The following TFEC variants were observed in gnomAD, a reference collection of about 807,000 sequenced individuals.
TFEC encodes the protein class E basic helix-loop-helix protein 34.
A neutral mutation model predicts 41.6 loss-of-function variants in TFEC; 31 were observed. The ratio of observed to expected loss-of-function variants is 0.74; its 90% CI spans 0.56 to 1.01. The LOEUF (loss-of-function observed/expected upper bound fraction) is 1.01, where lower values mean the gene tolerates loss of function less well. Among genes scored for constraint, TFEC ranks in the 50% least tolerant of loss-of-function variants. The pLI, the probability that TFEC is intolerant of heterozygous loss-of-function variation, is 0.00. For synonymous variants in TFEC, 143 were observed against 140.6 expected (o/e 1.02, Z -0.12); for missense variants, 402 against 404.1 (o/e 0.99, Z 0.04).
At chr7:116,028,354 T>C (rs1403526690) in intron 1 of TFEC, among the ~76,000 whole-genome samples, 1 of 152,218 alleles carries the variant, frequency 6.6e-6, no homozygotes, top group African/African-American at 2.4e-5. Context: ...TAGCTGGCAT[T>C]CACAATTCTA....
At chr7:116,044,271 A>C (rs1796109003) in intron 3 of TFEC, among the ~76,000 whole-genome samples, 1 of 152,186 alleles carries the variant, frequency 6.6e-6, no homozygotes, top group Non-Finnish European at 1.5e-5. Flanking sequence ...TCTTATAGCT[A>C]CCAGGCAAGC....
intron 3 of TFEC, among the ~76,000 whole-genome samples, chr7:116,059,071 G>A (rs1796493218): frequency 6.6e-6 from 1 of 151,698 alleles, no homozygotes; most frequent in Non-Finnish European, 1.5e-5. Context: ...TAAAATCAAT[G>A]TAACTGAAAG....
intron 1 of TFEC, among the ~76,000 whole-genome samples, chr7:116,017,874 ATTAG>A (rs1197090821): frequency 6.6e-6 from 1 of 152,094 alleles, no homozygotes; most frequent in Non-Finnish European, 1.5e-5. Context: ...GCATTTTGTA[ATTAG>A]TTATTCATTT....
intron 1 of TFEC, among the ~76,000 whole-genome samples, chr7:116,119,343 A>G (rs1022730724): frequency 2.0e-5 from 3 of 151,864 alleles, no homozygotes; most frequent in Non-Finnish European, 4.4e-5. Context: ...GGATCTAGCC[A>G]ATGCAATAGG....
chr7:115,979,128 C>A (rs547785166), intron 2 of TFEC, among the ~76,000 whole-genome samples: 1 of 152,274 alleles, frequency 6.6e-6, no homozygotes, highest in East Asian at 1.9e-4. Flanking sequence ...AGACTCCCAG[C>A]TGTTCCCTAT....
At chr7:116,113,795 C>T (rs1797909790) in intron 1 of TFEC, among the ~76,000 whole-genome samples, 1 of 151,944 alleles carries the variant, frequency 6.6e-6, no homozygotes, top group South Asian at 2.1e-4. Context: ...CTTAATCTTT[C>T]CCAAAATGTT....
chr7:116,014,934 A>C (rs1439956252), intron 1 of TFEC, among the ~76,000 whole-genome samples: 2 of 152,108 alleles, frequency 1.3e-5, no homozygotes, highest in South Asian at 2.1e-4. Flanking sequence ...AAGGATCTAA[A>C]CCCTCCTGAT....
intron 1 of TFEC, among the ~76,000 whole-genome samples, chr7:115,992,678 C>T (rs1455568120): frequency 6.6e-6 from 1 of 152,126 alleles, no homozygotes; most frequent in Non-Finnish European, 1.5e-5. Flanking sequence ...CCTGAATAGG[C>T]CAATAACAGG....
intron 1 of TFEC, among the ~76,000 whole-genome samples, chr7:116,117,722 A>G (rs1233264584): frequency 6.6e-6 from 1 of 151,910 alleles, no homozygotes; most frequent in Non-Finnish European, 1.5e-5. Context: ...TTACAGAAAT[A>G]AACAGTGTGC....
chr7:115,945,542 T>C (rs1420481464), intron 6 of TFEC, among the ~76,000 whole-genome samples: 2 of 151,756 alleles, frequency 1.3e-5, no homozygotes, highest in African/African-American at 4.8e-5. Context: ...CTGAGATTTT[T>C]GGAATGTCAC....
rs747501001 is a variant in TFEC at position 115,956,791 on chromosome 7, T to C, written c.270A>G (p.Leu90=). Reference sequence around the variant, plus strand: ...TATACACATCCAAAATACTTCCAGATAACTTGAGAGGAAAAAGGAAGAAAA... The same window carrying C: ...TATACACATCCAAAATACTTCCAGACAACTTGAGAGGAAAAAGGAAGAAAA... The part of the protein sequence containing the change: ...ADSPLLMQRT[L]SGSILDVYSG... Residue 90 remains leucine (L), a splice_region_variant and synonymous_variant, in exon 4 of 8, where the codon TTA becomes TTG. Coordinates refer to ENST00000265440, the MANE Select transcript of TFEC (RefSeq NM_012252.4). 1 of 1,562,344 alleles carries C rather than the reference T, an allele frequency of 6.4e-7. No homozygotes were observed.
intron 1 of TFEC, among the ~76,000 whole-genome samples, chr7:116,020,684 C>T (rs1006576272): frequency 2.0e-5 from 3 of 152,078 alleles, no homozygotes; most frequent in African/African-American, 7.2e-5. Context: ...GAAAATATTA[C>T]TGCTTAGCAA....
intron 3 of TFEC, among the ~76,000 whole-genome samples, chr7:115,962,261 A>C (rs1792595816): frequency 6.6e-6 from 1 of 151,848 alleles, no homozygotes; most frequent in South Asian, 2.1e-4. Flanking sequence ...TAACATTGCA[A>C]TACTATCTAA....
rs552218930 is a variant in TFEC, at chr7:115,972,977, G to C, written c.267+1193C>G. Among the ~76,000 whole-genome samples, 6 of 151,992 alleles carry C rather than the reference G, an allele frequency of 3.9e-5. No individual in the cohort carries two copies. The South Asian group carries it at 1.0e-3, about 26-fold the overall frequency. On this transcript the variant is annotated intron_variant, in intron 3 of 7. Transcript: ENST00000265440. ...TCCTCATGCTGTGAAATTAGAAAGG[G>C]AGATATTAGCATTAATATCAAATGT...
chr7:115,939,718 G>C lies in TFEC; in HGVS notation c.*833C>G, dbSNP rs1175043483. The stretch of plus-strand genomic sequence containing the variant: ...GAATTTGGAATGTGATTCTGATGCA[G>C]TCAGAAGCATGAAGAAAACAAAAGA... On this transcript the variant is annotated 3_prime_UTR_variant, in exon 8 of 8. Transcript: ENST00000265440. The C allele has an allele frequency of 6.6e-6, 1 of 152,028 alleles. No homozygotes were observed. Among genetic ancestry groups the C allele is most frequent in the Non-Finnish European group, 1.5e-5 (1 of 67,964 alleles). 9.4% of individuals were successfully genotyped at this position (152,028 alleles called of 1,614,324 possible).
At chr7:116,106,361 AGTTTTTT>A (rs1310111184) in intron 3 of TFEC, among the ~76,000 whole-genome samples, 1 of 151,750 alleles carries the variant, frequency 6.6e-6, no homozygotes, top group Non-Finnish European at 1.5e-5. Flanking sequence ...TGATGACTTC[AGTTTTTT>A]GTTTTTTGTT....
At chr7:116,015,251 A>C (rs1313956021) in intron 1 of TFEC, among the ~76,000 whole-genome samples, 1 of 152,090 alleles carries the variant, frequency 6.6e-6, no homozygotes, top group African/African-American at 2.4e-5. Context: ...TAACTGAAGT[A>C]ACTTGAGGAA....
chr7:116,061,709 T>A (rs953584982), intron 3 of TFEC, among the ~76,000 whole-genome samples: 1 of 152,102 alleles, frequency 6.6e-6, no homozygotes, highest in African/African-American at 2.4e-5. Context: ...TTGTAGTTGA[T>A]GAGGGTGTAT....
At position 116,085,787 on chromosome 7, in the gene TFEC, A is replaced by T. The variant is rs1477280574; in HGVS notation, c.198+24921T>A. 2.6e-5 allele frequency among the ~76,000 whole-genome samples: 4 copies of T among 152,026 alleles called. No homozygotes were observed. In the East Asian group the frequency reaches 5.8e-4, roughly 22 times the overall value. On this transcript the variant is annotated intron_variant, in intron 3 of 8. Transcript: ENST00000484212. ...CACCTTTAGCTGGAACTGTGTGTAAAATGTATTTGGTTAATTCATTCACAG... is the reference window on the plus strand; with the variant it reads ...CACCTTTAGCTGGAACTGTGTGTAATATGTATTTGGTTAATTCATTCACAG...
Sources: allele counts gnomAD v4.1 joint callset (sites outside exome capture counted in the v4.1 genomes callset), GRCh38; gene constraint gnomAD v4.1.1; transcripts MANE v1.5; gene names NCBI Gene and HGNC (gene_info 2026-07-23, HGNC 2026-07-21).